Variants in GRIK3 observed in about 807,000 individuals in gnomAD.
GRIK3 encodes glutamate ionotropic receptor kainate type subunit 3.
A neutral mutation model predicts 102.5 loss-of-function variants in GRIK3; 29 were observed. That is an observed-to-expected ratio of 0.28 (90% CI 0.21 to 0.39). The LOEUF is 0.39. Ranked by LOEUF, GRIK3 falls within the 10% of genes least tolerant of loss-of-function variation. The probability of loss-of-function intolerance (pLI) is 1.00; values close to 1 mark genes in which losing one functional copy is unlikely to be tolerated. For missense variants in GRIK3, 908 were observed against 1,252.4 expected, an observed-to-expected ratio of 0.73 and a Z score of 4.15; for synonymous variants, 511 against 504.9, an observed-to-expected ratio of 1.01 and a Z score of -0.16.
intron 1 of GRIK3, among the ~76,000 whole-genome samples, chr1:37,009,896 G>A (rs558364586): frequency 6.6e-6 from 1 of 152,114 alleles, no homozygotes; most frequent in Non-Finnish European, 1.5e-5. Context: ...GGACTGTTGG[G>A]GGGAGCTTGG....
chr1:36,817,523 C>G (rs560443022), intron 12 of GRIK3, among the ~76,000 whole-genome samples: 2 of 152,330 alleles, frequency 1.3e-5, no homozygotes, highest in Non-Finnish European at 2.9e-5. Flanking sequence ...TGGGAACCAG[C>G]AATATGTTTT....
intron 1 of GRIK3, among the ~76,000 whole-genome samples, chr1:37,026,647 A>G (rs1323505840): frequency 6.6e-6 from 1 of 152,220 alleles, no homozygotes; most frequent in Non-Finnish European, 1.5e-5. Flanking sequence ...GTAGGTCAAC[A>G]ATAGCTGCAC....
chr1:36,899,297 T>C (rs1361593530), intron 1 of GRIK3, among the ~76,000 whole-genome samples: 2 of 152,078 alleles, frequency 1.3e-5, no homozygotes, highest in Non-Finnish European at 2.9e-5. Context: ...GGAATTAATA[T>C]CCAGAACATA....
intron 3 of GRIK3, among the ~76,000 whole-genome samples, chr1:36,877,196 CT>C (rs1640920502): frequency 1.3e-5 from 2 of 152,302 alleles, no homozygotes; most frequent in South Asian, 4.2e-4. Flanking sequence ...GATAAAGCAC[CT>C]TTTCCTCTGC....
chr1:36,797,378 C>T lies in GRIK3; in HGVS notation c.*4473G>A, dbSNP rs748831048. The T allele has an allele frequency of 5.3e-5, 8 of 151,926 alleles. No homozygotes were observed. Among genetic ancestry groups the T allele is most frequent in the Admixed American group, 2.0e-4 (3 of 15,246 alleles). 9.4% of individuals were successfully genotyped at this position (151,926 alleles called of 1,614,324 possible). The stretch of plus-strand genomic sequence containing the variant: ...TTCTACCTAAAAGTTTTGTGACTCA[C>T]GTATGACCTCAGCTCTGAAATTTTT... On this transcript the variant is annotated 3_prime_UTR_variant, in exon 16 of 16. Coordinates refer to ENST00000373091, the MANE Select transcript of GRIK3 (RefSeq NM_000831.4).
At chr1:36,868,855 C>G (rs962173150) in intron 5 of GRIK3, among the ~76,000 whole-genome samples, 1 of 152,298 alleles carries the variant, frequency 6.6e-6, no homozygotes, top group African/African-American at 2.4e-5. Flanking sequence ...CCTACGGGGT[C>G]ATAGATGCTG....
intron 1 of GRIK3, among the ~76,000 whole-genome samples, chr1:36,915,836 G>A (rs1057509970): frequency 7.2e-5 from 11 of 152,062 alleles, no homozygotes; most frequent in African/African-American, 2.7e-4. Context: ...CCCAGTCTTG[G>A]GTATGTCTTT....
chr1:36,868,773 G>A (rs1335638949), intron 5 of GRIK3, among the ~76,000 whole-genome samples: 1 of 152,114 alleles, frequency 6.6e-6, no homozygotes, highest in Non-Finnish European at 1.5e-5. Flanking sequence ...TGGATCTTTC[G>A]AGGCCTAGTT....
chr1:36,837,871 G>A (rs1406058797), intron 10 of GRIK3, among the ~76,000 whole-genome samples: 2 of 152,234 alleles, frequency 1.3e-5, no homozygotes, highest in Non-Finnish European at 2.9e-5. Flanking sequence ...CCCAAGTAAA[G>A]TAAGAAGGTG....
rs371229159 is a variant in GRIK3 at position 36,923,042 on chromosome 1, T to G, written c.116-31946A>C. Among the ~76,000 whole-genome samples, 301 of 152,272 alleles carry G rather than the reference T, an allele frequency of 2.0e-3. 2 individuals are homozygous for G. The highest frequency in any genetic ancestry group is 2.7e-3 in the Non-Finnish European group (185 of 68,016). On this transcript the variant is annotated intron_variant, in intron 1 of 15. Coordinates refer to ENST00000373091, the MANE Select transcript of GRIK3 (RefSeq NM_000831.4). Reference sequence around the variant, plus strand: ...GCCATTAAATATGCAGAATCTCATCTTGTTCCTGGGAAGCCGAGGGCTCTG... The same window carrying G: ...GCCATTAAATATGCAGAATCTCATCGTGTTCCTGGGAAGCCGAGGGCTCTG...
At chr1:36,884,000 G>C (rs1641011756) in intron 2 of GRIK3, among the ~76,000 whole-genome samples, 1 of 152,230 alleles carries the variant, frequency 6.6e-6, no homozygotes, top group South Asian at 2.1e-4. Context: ...TGATGAGCTG[G>C]CTAGTTTTTG....
chr1:36,842,479 C>T (rs61769810), intron 9 of GRIK3, among the ~76,000 whole-genome samples: 20,244 of 152,230 alleles, frequency 0.13, 1,436 homozygotes, highest in Non-Finnish European at 0.16. Flanking sequence ...TTCAGAAAGC[C>T]GTCTGCTCTA....
intron 1 of GRIK3, among the ~76,000 whole-genome samples, chr1:36,912,196 G>T (rs941878566): frequency 9.2e-5 from 14 of 151,902 alleles, no homozygotes; most frequent in African/African-American, 3.4e-4. Context: ...CATGATCCTC[G>T]TCCCCTGATC....
At chr1:36,970,135 A>G (rs142393931) in intron 1 of GRIK3, among the ~76,000 whole-genome samples, 3 of 152,254 alleles carry the variant, frequency 2.0e-5, no homozygotes, top group South Asian at 2.1e-4. Flanking sequence ...AGGTTTAATA[A>G]ACACATACAG....
intron 15 of GRIK3, 195 bp downstream of exon 15, chr1:36,804,792 G>A: frequency 1.5e-6 from 1 of 668,256 alleles, no homozygotes; most frequent in Non-Finnish European, 2.5e-6. Context: ...TTGGCCTGGG[G>A]TGGGGCAACG....
chr1:36,832,155 G>A (rs997550590), intron 10 of GRIK3, among the ~76,000 whole-genome samples: 3 of 152,218 alleles, frequency 2.0e-5, no homozygotes, highest in Middle Eastern at 3.2e-3. Flanking sequence ...AGAGGCATTG[G>A]CCGATTCTCT....
At position 36,801,645 on chromosome 1, in the gene GRIK3, CAGA is replaced by C. The variant is rs1226608720; in HGVS notation, c.*203_*205del. The C allele has an allele frequency of 1.1e-5, 5 of 450,452 alleles. No individual in the cohort carries two copies. The highest frequency in any genetic ancestry group is 1.9e-5 in the Non-Finnish European group (5 of 257,632). 27.9% of individuals were successfully genotyped at this position (450,452 alleles called of 1,614,324 possible). A position where few individuals can be genotyped will look rare whatever the true frequency, so the allele number is the denominator to read the frequency against. On this transcript the variant is annotated 3_prime_UTR_variant, in exon 16 of 16. Coordinates refer to ENST00000373091, the MANE Select transcript of GRIK3 (RefSeq NM_000831.4). ...CTCGGCTGGCAGCTTTAGAAACCCA[CAGA>C]AGATCTGAGGAGGATGAAGCCCAAG...
intron 10 of GRIK3, among the ~76,000 whole-genome samples, chr1:36,831,288 C>T (rs1005608228): frequency 2.0e-5 from 3 of 152,214 alleles, no homozygotes; most frequent in African/African-American, 7.2e-5. Context: ...ATATACTTCA[C>T]GTTGCCTGGC....
At position 36,817,999 on chromosome 1, in the gene GRIK3, T is replaced by G. The variant is rs138136475; in HGVS notation, c.1874-722A>C. ...CCTTAGGTGGGGAGCACAATAGAGATGACACCTTCTAACTGAAGTAATTAA... is the reference window on the plus strand; with the variant it reads ...CCTTAGGTGGGGAGCACAATAGAGAGGACACCTTCTAACTGAAGTAATTAA... On this transcript the variant is annotated intron_variant, in intron 12 of 15. Transcript: ENST00000373091. 4.1e-4 allele frequency among the ~76,000 whole-genome samples: 63 copies of G among 152,328 alleles called. 2 individuals are homozygous for G. Among genetic ancestry groups the G allele is most frequent in the African/African-American group, 1.3e-3 (54 of 41,586 alleles).
Sources: gnomAD v4.1 joint callset for allele counts (sites outside exome capture counted in the v4.1 genomes callset) on GRCh38, gnomAD v4.1.1 for gene constraint, MANE v1.5 for transcripts, NCBI Gene and HGNC (gene_info 2026-07-23, HGNC 2026-07-21) for gene names.